The following IQSEC1 variants were observed in gnomAD, a reference collection of about 807,000 sequenced individuals.
IQSEC1 encodes IQ motif and Sec7 domain ArfGEF 1.
IQSEC1 carries 31 observed loss-of-function variants against 91.0 expected under a neutral mutation model. The observed-to-expected ratio is 0.34, with a 90% CI of 0.26 to 0.46. The LOEUF (loss-of-function observed/expected upper bound fraction) is 0.46, where lower values mean the gene tolerates loss of function less well. Among genes scored for constraint, IQSEC1 ranks in the 20% least tolerant of loss-of-function variants. IQSEC1 has a pLI of 1.00. For synonymous variants in IQSEC1, 699 were observed against 662.6 expected (o/e 1.05, Z -0.84); for missense variants, 1,388 against 1,575.6 (o/e 0.88, Z 2.02).
intron 1 of IQSEC1, among the ~76,000 whole-genome samples, chr3:12,955,812 T>C (rs1488522099): frequency 6.6e-6 from 1 of 152,178 alleles, no homozygotes. Context: ...TCAGGAGACC[T>C]GGCACCTGCC....
intron 1 of IQSEC1, among the ~76,000 whole-genome samples, chr3:12,961,173 AC>A (rs1451679442): frequency 6.6e-6 from 1 of 152,228 alleles, no homozygotes; most frequent in Middle Eastern, 3.2e-3. Context: ...CCCAGGTACC[AC>A]CAGGAAGCCA....
chr3:13,024,008 C>G (rs79380997), intron 1 of IQSEC1, among the ~76,000 whole-genome samples: 2 of 152,182 alleles, frequency 1.3e-5, no homozygotes, highest in Non-Finnish European at 2.9e-5. Context: ...TGGAACCCCA[C>G]TGACCTAAGG....
intron 1 of IQSEC1, among the ~76,000 whole-genome samples, chr3:13,024,702 T>A (rs530445518): frequency 6.6e-6 from 1 of 151,034 alleles, no homozygotes; most frequent in Admixed American, 6.6e-5. Context: ...ATCTACCCCA[T>A]CTGTCCATCC....
Position 12,936,083 on chromosome 3 carries a change from C to T in IQSEC1, c.933G>A (p.Pro311=), listed in dbSNP as rs544776500. The T allele has an allele frequency of 5.5e-5, 88 of 1,609,362 alleles. No homozygotes were observed. Among genetic ancestry groups the T allele is most frequent in the South Asian group, 1.6e-4 (15 of 91,058 alleles). Residue 311 remains proline, a synonymous_variant, in exon 3 of 14, where the codon CCG becomes CCA. Transcript: ENST00000613206. ...GCCGCAGGTCCGACTCGGTGCTGGA[C>T]GGCCGGTCCCCTGCCTGCGAGAGGG... ...PLPLSQAGDR[P]SSTESDLRLR...
chr3:13,226,756 C>G (rs1428463168), intron 1 of IQSEC1, among the ~76,000 whole-genome samples: 1 of 152,144 alleles, frequency 6.6e-6, no homozygotes, highest in African/African-American at 2.4e-5. Context: ...CAGTTAGAGG[C>G]CTGAGCTCTG....
chr3:13,076,896 C>A (rs1013004944), upstream of IQSEC1, among the ~76,000 whole-genome samples: 1 of 152,112 alleles, frequency 6.6e-6, no homozygotes, highest in Non-Finnish European at 1.5e-5. Context: ...CAGAGGTGAC[C>A]GCTGTCATCT....
At chr3:13,257,296 T>C (rs1195176976) in intron 1 of IQSEC1, among the ~76,000 whole-genome samples, 2 of 152,132 alleles carry the variant, frequency 1.3e-5, no homozygotes, top group African/African-American at 4.8e-5. Flanking sequence ...AGTGCATGCA[T>C]ATGAGACAGA....
chr3:13,247,214 T>C (rs1258521068), intron 1 of IQSEC1, among the ~76,000 whole-genome samples: 1 of 152,162 alleles, frequency 6.6e-6, no homozygotes, highest in Non-Finnish European at 1.5e-5. Context: ...AGAAGTTACC[T>C]AATAGATGTG....
intron 1 of IQSEC1, among the ~76,000 whole-genome samples, chr3:12,981,152 G>C (rs1418095467): frequency 6.6e-6 from 1 of 152,182 alleles, no homozygotes; most frequent in Non-Finnish European, 1.5e-5. Context: ...TCGTGCTTAG[G>C]GGGAGCAGGA....
intron 2 of IQSEC1, among the ~76,000 whole-genome samples, chr3:13,125,194 AC>A (rs1473119996): frequency 4.6e-5 from 7 of 151,954 alleles, no homozygotes; most frequent in Non-Finnish European, 7.4e-5. Flanking sequence ...TGCCAAGCAA[AC>A]CCCCAGCTAG....
chr3:13,035,474 CCT>C (rs1267973450), intron 1 of IQSEC1, among the ~76,000 whole-genome samples: 5 of 152,150 alleles, frequency 3.3e-5, no homozygotes, highest in Non-Finnish European at 7.4e-5. Flanking sequence ...ATGATTGCCC[CCT>C]CTCTTGAATA....
At chr3:13,113,608 C>T (rs1706287332) in intron 2 of IQSEC1, among the ~76,000 whole-genome samples, 1 of 152,180 alleles carries the variant, frequency 6.6e-6, no homozygotes. Flanking sequence ...GGCCTCCACC[C>T]TCTGGGAGGG....
intron 1 of IQSEC1, among the ~76,000 whole-genome samples, chr3:13,019,350 G>T (rs12495241): frequency 1.3e-5 from 2 of 152,184 alleles, no homozygotes. Flanking sequence ...CACACCTCTC[G>T]CTTTTCCAGA....
At chr3:13,188,639 T>C (rs978640939) in intron 1 of IQSEC1, among the ~76,000 whole-genome samples, 1 of 152,198 alleles carries the variant, frequency 6.6e-6, no homozygotes, top group African/African-American at 2.4e-5. Context: ...TGCTCTAAAC[T>C]ACCATGTGGG....
intron 3 of IQSEC1, among the ~76,000 whole-genome samples, chr3:12,925,232 C>T (rs1009011731): frequency 8.5e-5 from 13 of 152,240 alleles, no homozygotes; most frequent in African/African-American, 2.9e-4. Flanking sequence ...TGCCAGGCTG[C>T]ACTTCTGAGC....
chr3:12,916,764 A>G (rs1317034740), intron 6 of IQSEC1, among the ~76,000 whole-genome samples: 2 of 152,246 alleles, frequency 1.3e-5, no homozygotes, highest in Admixed American at 1.3e-4. Context: ...ACCCATTAAC[A>G]GGGGAGTGCT....
chr3:12,902,924 G>T (rs1347298104), intron 12 of IQSEC1, 102 bp from the exon 13 acceptor site: 2 of 903,324 alleles, frequency 2.2e-6, no homozygotes, highest in East Asian at 5.1e-5. Flanking sequence ...ACCCCTGCTG[G>T]GAGCAGGCAC....
chr3:12,926,264 T>C (rs566204323), intron 3 of IQSEC1, among the ~76,000 whole-genome samples: 2 of 151,120 alleles, frequency 1.3e-5, no homozygotes, highest in South Asian at 2.1e-4. Flanking sequence ...GAGCCGAGAT[T>C]GTACCACTAC....
Position 13,155,892 on chromosome 3 carries a change from A to G in IQSEC1, c.302+8212T>C, listed in dbSNP as rs568123179. On this transcript the variant is annotated intron_variant, in intron 2 of 15. Transcript: ENST00000648114. ...GGCCATCTTAATTGGTGCAGAAAAC[A>G]TACTTGACAAAATTCAACACTTTTT... Among the ~76,000 whole-genome samples the G allele has an allele frequency of 7.9e-5, 12 of 152,330 alleles. No homozygotes were observed. In the South Asian group the frequency reaches 2.3e-3, roughly 29 times the overall value.
Sources: allele counts gnomAD v4.1 joint callset (sites outside exome capture counted in the v4.1 genomes callset), GRCh38; gene constraint gnomAD v4.1.1; transcripts MANE v1.5; gene names NCBI Gene and HGNC (gene_info 2026-07-23, HGNC 2026-07-21).